The following ITPR2 variants were observed in gnomAD, a reference collection of about 807,000 sequenced individuals.
The protein encoded by ITPR2 is inositol 1,4,5-trisphosphate receptor type 2.
ITPR2 carries 207 observed loss-of-function variants against 317.1 expected under a neutral mutation model. The observed-to-expected ratio is 0.65, with a 90% confidence interval of 0.58 to 0.73. The LOEUF (loss-of-function observed/expected upper bound fraction) is 0.73, where lower values mean the gene tolerates loss of function less well. Among genes scored for constraint, ITPR2 ranks in the 30% least tolerant of loss-of-function variants. ITPR2 has a pLI of 0.00. For synonymous variants in ITPR2, 1,156 were observed against 1,149.1 expected, an observed-to-expected ratio of 1.01 and a Z score of -0.12; for missense variants, 2,613 against 3,284.0, an observed-to-expected ratio of 0.80 and a Z score of 4.99.
Position 26,632,042 on chromosome 12 carries a change from T to C in ITPR2, c.2758A>G (p.Thr920Ala). The C allele has an allele frequency of 1.9e-6, 3 of 1,564,374 alleles. No individual in the cohort carries two copies. Among genetic ancestry groups the C allele is most frequent in the Middle Eastern group, 1.7e-4 (1 of 5,790 alleles). The change falls in exon 22 of 57, where the codon ACC (threonine) becomes GCC (alanine). Residue 920 changes from threonine to alanine, a missense_variant. By Grantham distance (58) the Thr-to-Ala change is moderately conservative. This residue lies in a region of ITPR2 where 817 missense variants were observed against 897.6 expected (regional missense o/e 0.91). Coordinates refer to ENST00000381340, the MANE Select transcript of ITPR2 (RefSeq NM_002223.4). ...FQDGGNNVMR[T>A]IHGVGEMMTQ... ...ATCATCTCTCCCACCCCATGAATGG[T>C]TCTCATCACATTGTTTCCTGGCATG...
In ITPR2 at chr12:26,643,210, G is replaced by T. The variant is rs150572744; in HGVS notation, c.2740+10766C>A. Among the ~76,000 whole-genome samples, 6 of 152,306 alleles carry T rather than the reference G, an allele frequency of 3.9e-5. No individual in the cohort carries two copies. In the East Asian group the frequency reaches 1.2e-3, roughly 29 times the overall value. On this transcript the variant is annotated intron_variant, in intron 21 of 56. Transcript: ENST00000381340. ...ATAATCCTGGACTTCCCAGCCTCCA[G>T]AACTGTGAGAAATAAATGTTTGTTG...
intron 55 of ITPR2, among the ~76,000 whole-genome samples, chr12:26,359,696 T>C (rs540346210): frequency 2.7e-4 from 41 of 152,130 alleles, no homozygotes; most frequent in African/African-American, 9.6e-4. Flanking sequence ...AGGGAACATA[T>C]GGTTTGGGGC....
chr12:26,422,623 C>T (rs1295820840), intron 49 of ITPR2, among the ~76,000 whole-genome samples: 1 of 152,088 alleles, frequency 6.6e-6, no homozygotes, highest in Non-Finnish European at 1.5e-5. Context: ...TGTGTGATAC[C>T]TTTAAATGTT....
intron 52 of ITPR2, among the ~76,000 whole-genome samples, chr12:26,401,920 G>C (rs1453186114): frequency 2.6e-5 from 4 of 152,192 alleles, no homozygotes; most frequent in African/African-American, 9.7e-5. Flanking sequence ...AGGTGCAAGT[G>C]CAAAATGCAG....
intron 21 of ITPR2, among the ~76,000 whole-genome samples, chr12:26,649,797 A>ATAGG (rs1013143369): frequency 2.0e-5 from 3 of 149,624 alleles, no homozygotes; most frequent in African/African-American, 7.5e-5. Context: ...AGATAGATAG[A>ATAGG]TAGATAGATA....
chr12:26,790,631 A>C (rs1423289672), intron 1 of ITPR2, among the ~76,000 whole-genome samples: 4 of 149,124 alleles, frequency 2.7e-5, no homozygotes, highest in African/African-American at 4.9e-5. Flanking sequence ...CTACACATAC[A>C]TATATAAGGA....
intron 37 of ITPR2, among the ~76,000 whole-genome samples, chr12:26,506,431 C>T (rs1943185570): frequency 6.7e-6 from 1 of 150,184 alleles, no homozygotes; most frequent in Non-Finnish European, 1.5e-5. Flanking sequence ...TCGCTTGAGC[C>T]TGGGAAATCA....
intron 8 of ITPR2, 56 bp downstream of exon 8, chr12:26,715,243 T>G: frequency 1.4e-6 from 2 of 1,437,688 alleles, no homozygotes; most frequent in East Asian, 2.3e-5. Flanking sequence ...ACAAGCCCAG[T>G]GAATCTTCTC....
chr12:26,542,502 C>T (rs138495234), intron 37 of ITPR2, among the ~76,000 whole-genome samples: 1 of 152,276 alleles, frequency 6.6e-6, no homozygotes, highest in East Asian at 1.9e-4. Context: ...GATAATAAAA[C>T]TATGACATAG....
chr12:26,622,381 A>G lies in ITPR2; in HGVS notation c.3147T>C (p.Leu1049=). The G allele has an allele frequency of 2.0e-5, 32 of 1,604,044 alleles. No individual in the cohort carries two copies. Among genetic ancestry groups the G allele is most frequent in the Non-Finnish European group, 2.7e-5 (32 of 1,177,128 alleles). Residue 1049 remains leucine, a synonymous_variant, in exon 25 of 57, where the codon CTT becomes CTC. Coordinates refer to ENST00000381340, the MANE Select transcript of ITPR2 (RefSeq NM_002223.4). The stretch of plus-strand genomic sequence containing the variant: ...AAAACGTCCTGCCTCCTTCATCGTC[A>G]AGTTGAACTGGATTTTTTTCTTTTC... ...AGRKEKNPVQ[L]DDEGGRTFLR... is the part of the protein sequence containing the mutation.
At chr12:26,354,927 G>C (rs1433153189) in intron 55 of ITPR2, among the ~76,000 whole-genome samples, 1 of 152,174 alleles carries the variant, frequency 6.6e-6, no homozygotes, top group Non-Finnish European at 1.5e-5. Context: ...GCCTCCCAAA[G>C]TGCTGGGATT....
At chr12:26,448,366 C>T (rs1941660963) in intron 45 of ITPR2, among the ~76,000 whole-genome samples, 1 of 149,268 alleles carries the variant, frequency 6.7e-6, no homozygotes. Flanking sequence ...GGGGGAAATG[C>T]CATGGGGGGG....
intron 37 of ITPR2, among the ~76,000 whole-genome samples, chr12:26,505,777 T>C (rs1360264058): frequency 6.6e-6 from 1 of 152,132 alleles, no homozygotes; most frequent in Admixed American, 6.5e-5. Flanking sequence ...TATTTTTGAC[T>C]GAATGTATGA....
chr12:26,580,027 C>G lies in ITPR2; in HGVS notation c.4509G>C (p.Gln1503His). The G allele has an allele frequency of 1.2e-6, 2 of 1,607,850 alleles. No homozygotes were observed. The highest frequency in any genetic ancestry group is 4.5e-5 in the East Asian group (2 of 44,742). Reference protein sequence around the residue: ...SPFSDNSTSLQTHQPVFIQLL... With the variant: ...SPFSDNSTSLHTHQPVFIQLL... ...AATGCTTTGCAATTGTTTAACTTACCTGGAGGCTGGTACTATTGTCTGAAA... is the reference window on the plus strand; with the variant it reads ...AATGCTTTGCAATTGTTTAACTTACGTGGAGGCTGGTACTATTGTCTGAAA... Residue 1503 changes from glutamine to histidine, a missense_variant and splice_region_variant, in exon 33 of 57, where the codon CAG (glutamine) becomes CAC (histidine). Gln to His is a conservative substitution (Grantham distance 24). This residue lies in a region of ITPR2 where 926 missense variants were observed against 1,072.8 expected (regional missense o/e 0.86). Coordinates refer to ENST00000381340, the MANE Select transcript of ITPR2 (RefSeq NM_002223.4).
chr12:26,717,630 G>A (rs917821392), intron 5 of ITPR2, among the ~76,000 whole-genome samples: 2 of 152,188 alleles, frequency 1.3e-5, no homozygotes, highest in East Asian at 1.9e-4. Context: ...AATAGGCAGA[G>A]CAAGGCATGT....
At chr12:26,434,451 T>C (rs946653397) in intron 48 of ITPR2, among the ~76,000 whole-genome samples, 3 of 152,084 alleles carry the variant, frequency 2.0e-5, no homozygotes, top group Non-Finnish European at 4.4e-5. Flanking sequence ...CCTGAATGAG[T>C]AAAGAGCAAC....
chr12:26,811,401 G>C (rs1950742485), intron 1 of ITPR2, among the ~76,000 whole-genome samples: 1 of 151,814 alleles, frequency 6.6e-6, no homozygotes, highest in Non-Finnish European at 1.5e-5. Context: ...ACGAGGTCAG[G>C]AGATCGAGAC....
intron 1 of ITPR2, among the ~76,000 whole-genome samples, chr12:26,790,586 T>TACACACACAGACAC (rs1950324773): frequency 6.8e-6 from 1 of 147,708 alleles, no homozygotes; most frequent in Non-Finnish European, 1.5e-5. Context: ...CATATATGCT[T>TACACACACAGACAC]ACACACACAC....
intron 46 of ITPR2, among the ~76,000 whole-genome samples, chr12:26,439,521 A>G (rs1592025179): frequency 6.6e-6 from 1 of 152,344 alleles, no homozygotes; most frequent in African/African-American, 2.4e-5. Flanking sequence ...ATTGACTAAT[A>G]TATCATGAAC....
Sources: gnomAD v4.1 joint callset for allele counts (sites outside exome capture counted in the v4.1 genomes callset) on GRCh38, gnomAD v4.1.1 for gene constraint, gnomAD v4.1.1 regional missense constraint, MANE v1.5 for transcripts, NCBI Gene and HGNC (gene_info 2026-07-23, HGNC 2026-07-21) for gene names.